The following NUP210 variants were observed in gnomAD, a reference collection of about 807,000 sequenced individuals.
The protein encoded by NUP210 is nuclear pore membrane glycoprotein 210.
A neutral mutation model predicts 196.0 loss-of-function variants in NUP210; 151 were observed. The observed-to-expected ratio is 0.77, with a 90% confidence interval of 0.67 to 0.88. NUP210 has a LOEUF of 0.88. Among genes scored for constraint, NUP210 ranks in the 40% least tolerant of loss-of-function variants. NUP210 has a pLI of 0.00. For missense variants in NUP210, 2,314 were observed against 2,493.7 expected (o/e 0.93, Z 1.53); for synonymous variants, 1,070 against 1,052.7 (o/e 1.02, Z -0.32).
intron 1 of NUP210, among the ~76,000 whole-genome samples, chr3:13,401,259 C>CAAAAAAAAAAAAGAAA (rs1699828895): frequency 2.3e-5 from 1 of 43,846 alleles, no homozygotes; most frequent in South Asian, 1.0e-3. Context: ...GACTCTGGCT[C>CAAAAAAAAAAAAGAAA]AAAAAAAAAA....
At position 13,323,533 on chromosome 3, in the gene NUP210, C is replaced by T; in HGVS notation, c.4645-101G>A. The T allele has an allele frequency of 3.6e-6, 5 of 1,376,592 alleles. No individual in the cohort carries two copies. Among genetic ancestry groups the T allele is most frequent in the Non-Finnish European group, 5.0e-6 (5 of 996,142 alleles). 85.3% of individuals were successfully genotyped at this position (1,376,592 alleles called of 1,614,324 possible). On this transcript the variant is annotated intron_variant, in intron 33 of 39. Coordinates refer to ENST00000254508, the MANE Select transcript of NUP210 (RefSeq NM_024923.4). This position sits in a 1 kb window ranked among gnomAD's most constrained non-coding sequence, Gnocchi z 4.3. Reference sequence around the variant, plus strand: ...CCCTGCAGTCTGTGACATAGTGTCACCCGTTTCACAGGTGGCAACACTGAG... The same window carrying T: ...CCCTGCAGTCTGTGACATAGTGTCATCCGTTTCACAGGTGGCAACACTGAG...
chr3:13,362,153 G>C (rs1445333844), intron 14 of NUP210, among the ~76,000 whole-genome samples: 14 of 152,092 alleles, frequency 9.2e-5, no homozygotes, highest in African/African-American at 3.4e-4. Flanking sequence ...TCTGTGGCAT[G>C]ATCTTAACCA....
rs1350636503 is a variant in NUP210, at chr3:13,348,136, CAG to C, written c.2835+3741_2835+3742del. Among the ~76,000 whole-genome samples, 1 of 152,214 alleles carries C rather than the reference CAG, an allele frequency of 6.6e-6. No homozygotes were observed. Among genetic ancestry groups the C allele is most frequent in the Non-Finnish European group, 1.5e-5 (1 of 68,038 alleles). On this transcript the variant is annotated intron_variant, in intron 20 of 39. Transcript: ENST00000254508. This position sits in a 1 kb window ranked among gnomAD's most constrained non-coding sequence, Gnocchi z 4.0. ...AGCTCCCCTGTGGCCACCTGTAAAACAGAACTGCAGAGGCACTCCTAGAATTG... is the reference window on the plus strand; with the variant it reads ...AGCTCCCCTGTGGCCACCTGTAAAACAACTGCAGAGGCACTCCTAGAATTG...
At position 13,351,793 on chromosome 3, in the gene NUP210, G is replaced by C. The variant is rs535977724; in HGVS notation, c.2835+86C>G. The C allele has an allele frequency of 1.2e-4, 110 of 899,034 alleles. No homozygotes were observed. The African/African-American group carries it at 1.7e-3, about 14-fold the overall frequency. 55.7% of individuals were successfully genotyped at this position (899,034 alleles called of 1,614,324 possible). A position where few individuals can be genotyped will look rare whatever the true frequency, so the allele number is the denominator to read the frequency against. The stretch of plus-strand genomic sequence containing the variant: ...GATTCCGAGTGTGAGTCAAGTGCTA[G>C]CTTTCAAAATGATCAATCAATTAAC... On this transcript the variant is annotated intron_variant, in intron 20 of 39. Coordinates refer to ENST00000254508, the MANE Select transcript of NUP210 (RefSeq NM_024923.4).
At chr3:13,387,842 G>T (rs1347644919) in intron 5 of NUP210, among the ~76,000 whole-genome samples, 3 of 150,902 alleles carry the variant, frequency 2.0e-5, no homozygotes, top group Non-Finnish European at 4.4e-5. Flanking sequence ...TGGGGCAGGG[G>T]GTTGAGGTGA....
chr3:13,327,401 G>C lies in NUP210; in HGVS notation c.4323C>G (p.Asn1441Lys). 1 of 1,613,198 alleles carries C rather than the reference G, an allele frequency of 6.2e-7. No individual in the cohort carries two copies. Among genetic ancestry groups the C allele is most frequent in the Non-Finnish European group, 8.5e-7 (1 of 1,179,832 alleles). The change falls in exon 32 of 40, where the codon AAC becomes AAG. Residue 1441 changes from asparagine (N) to lysine (K), a missense_variant. Coordinates refer to ENST00000254508, the MANE Select transcript of NUP210 (RefSeq NM_024923.4). ...TGACTGTGCGGACAACGCAGGTGTTGTTGGTGGGGCCCTTCCCGATCTGCA... is the reference window on the plus strand; with the variant it reads ...TGACTGTGCGGACAACGCAGGTGTTCTTGGTGGGGCCCTTCCCGATCTGCA... ...DFVQIGKGPT[N>K]NTCVVRTVSV...
At position 13,391,230 on chromosome 3, in the gene NUP210, CTG is replaced by C; in HGVS notation, c.512_513del (p.Ser171Ter). ...CCTTACCGCAGCGCATTGTGGGAGT[CTG>C]AGAACCTGTCCGCCTCGGAGTCCTT... The part of the protein sequence containing the change: ...IVKDSEADRF[S>X]DSHNALRILT... On this transcript the variant is annotated frameshift_variant, in exon 4 of 40. Transcript: ENST00000254508. LOFTEE classifies it high-confidence loss of function. 1 of 1,612,616 alleles carries C rather than the reference CTG, an allele frequency of 6.2e-7. No individual in the cohort carries two copies. The highest frequency in any genetic ancestry group is 2.2e-5 in the East Asian group (1 of 44,800).
Position 13,350,372 on chromosome 3 carries a change from C to T in NUP210, c.2835+1507G>A, listed in dbSNP as rs761903484. Among the ~76,000 whole-genome samples the T allele has an allele frequency of 5.9e-5, 9 of 152,116 alleles. No individual in the cohort carries two copies. Among genetic ancestry groups the T allele is most frequent in the Non-Finnish European group, 1.3e-4 (9 of 68,030 alleles). On this transcript the variant is annotated intron_variant, in intron 20 of 39. Coordinates refer to ENST00000254508, the MANE Select transcript of NUP210 (RefSeq NM_024923.4). The surrounding 1 kb of genome is among the most constrained non-coding windows in gnomAD (Gnocchi z 4.1). ...AAGCTCCAGCATGGGGATGGGGAAT[C>T]AGTACCCAGAGTTTCTACAATACAT...
chr3:13,329,461 C>T (rs892322924), intron 30 of NUP210, among the ~76,000 whole-genome samples: 1 of 152,184 alleles, frequency 6.6e-6, no homozygotes, highest in African/African-American at 2.4e-5. Context: ...AAAATCTATC[C>T]TCGCTCAAAA....
intron 1 of NUP210, among the ~76,000 whole-genome samples, chr3:13,410,932 A>AAT (rs1265826153): frequency 4.7e-5 from 7 of 149,008 alleles, no homozygotes; most frequent in African/African-American, 1.7e-4. Flanking sequence ...AAAAAAAAAA[A>AAT]AAAAATTAGC....
At position 13,322,085 on chromosome 3, in the gene NUP210, G is replaced by A. The variant is rs1041628913; in HGVS notation, c.4915+108C>T. 3 of 1,369,544 alleles carry A rather than the reference G, an allele frequency of 2.2e-6. No homozygotes were observed. The African/African-American group carries it at 4.3e-5, about 20-fold the overall frequency. The allele number at this position is 1,369,544 out of a possible 1,614,324, so 84.8% of individuals were successfully genotyped here. ...CCAGGCTGGGCTCCTGACAATCTCT[G>A]CCCTCTGGACAGACGGCCATGGTGA... On this transcript the variant is annotated intron_variant, in intron 35 of 39. Coordinates refer to ENST00000254508, the MANE Select transcript of NUP210 (RefSeq NM_024923.4).
rs775083410 is a variant in NUP210, at chr3:13,343,203, T to C, written c.2936A>G (p.Gln979Arg). The change falls in exon 21 of 40, where the codon CAG (glutamine) becomes CGG (arginine). Residue 979 changes from glutamine (Q) to arginine (R), a missense_variant. Gln to Arg is a conservative substitution (Grantham distance 43). Coordinates refer to ENST00000254508, the MANE Select transcript of NUP210 (RefSeq NM_024923.4). ...GTCAACCACACGGATGTACAGCTCC[T>C]GAATGTCCGACACGTAAACGACAGC... ...AKAVVYVSDI[Q>R]ELYIRVVDKV... The C allele has an allele frequency of 3.1e-6, 5 of 1,614,052 alleles. No individual in the cohort carries two copies. In the African/African-American group the frequency reaches 6.7e-5, roughly 22 times the overall value.
chr3:13,351,105 G>T (rs1452619994), intron 20 of NUP210, among the ~76,000 whole-genome samples: 1 of 152,208 alleles, frequency 6.6e-6, no homozygotes, highest in African/African-American at 2.4e-5. Flanking sequence ...CTTGAAGATG[G>T]ACTGCCAGCT....
chr3:13,401,892 TAAA>T (rs202054040), intron 1 of NUP210, among the ~76,000 whole-genome samples: 2 of 146,294 alleles, frequency 1.4e-5, no homozygotes, highest in African/African-American at 5.0e-5. Flanking sequence ...AAAACTGCTT[TAAA>T]AAAAAAAAAG....
At chr3:13,333,567 C>T (rs746980782) in intron 28 of NUP210, among the ~76,000 whole-genome samples, 4 of 152,256 alleles carry the variant, frequency 2.6e-5, no homozygotes, top group Non-Finnish European at 5.9e-5. Flanking sequence ...AACTAACGTC[C>T]TCTCCATGCC....
chr3:13,327,748 G>C (rs142056845), intron 31 of NUP210, among the ~76,000 whole-genome samples: 2 of 152,204 alleles, frequency 1.3e-5, no homozygotes, highest in Non-Finnish European at 2.9e-5. Context: ...GATCCAGAGT[G>C]CTTCCTCACG....
At chr3:13,359,086 T>G (rs1698284226) in intron 15 of NUP210, among the ~76,000 whole-genome samples, 1 of 152,154 alleles carries the variant, frequency 6.6e-6, no homozygotes, top group Non-Finnish European at 1.5e-5. Flanking sequence ...ATGCACTTGA[T>G]GGAGGACACG....
At chr3:13,335,655 C>T (rs1697186525) in intron 27 of NUP210, 43 bp from the exon 28 acceptor site, 4 of 1,600,348 alleles carry the variant, frequency 2.5e-6, no homozygotes, top group Non-Finnish European at 3.4e-6. Flanking sequence ...AGGCCCAGGC[C>T]CCTGTGTCCT....
In NUP210 at chr3:13,379,598, T is replaced by C. The variant is rs544157215; in HGVS notation, c.941A>G (p.Gln314Arg). 13 of 1,614,138 alleles carry C rather than the reference T, an allele frequency of 8.1e-6. No individual in the cohort carries two copies. The East Asian group carries it at 2.5e-4, about 30-fold the overall frequency. Residue 314 changes from glutamine to arginine, a missense_variant, in exon 7 of 40, where the codon CAG becomes CGG. Physicochemically the swap from Gln to Arg is conservative, Grantham distance 43. Transcript: ENST00000254508. This position sits in a 1 kb window ranked among gnomAD's most constrained non-coding sequence, Gnocchi z 4.2. Reference sequence around the variant, plus strand: ...AAGGACGAGGCTGCTCTGTCCCAGCTGCAGTGCAGTGACCATCGACGTGTC... The same window carrying C: ...AAGGACGAGGCTGCTCTGTCCCAGCCGCAGTGCAGTGACCATCGACGTGTC... ...AQDTSMVTAL[Q>R]LGQSSLVLGH...
Sources: allele counts gnomAD v4.1 joint callset (sites outside exome capture counted in the v4.1 genomes callset), GRCh38; gene constraint gnomAD v4.1.1; non-coding constraint Gnocchi (gnomAD v3.1); transcripts MANE v1.5; gene names NCBI Gene and HGNC (gene_info 2026-07-23, HGNC 2026-07-21).